Variants in MGA observed in about 807,000 individuals in gnomAD.
MGA encodes the protein MAX gene-associated protein.
In MGA, 40 loss-of-function variants were observed where a neutral mutation model predicts 261.1. The observed-to-expected ratio is 0.15, with a 90% CI of 0.12 to 0.20. The LOEUF is 0.20. Among genes scored for constraint, MGA ranks in the 10% least tolerant of loss-of-function variants. The pLI is 1.00. For missense variants in MGA, 3,397 were observed against 3,630.5 expected (o/e 0.94, Z 1.65); for synonymous variants, 1,302 against 1,290.6 (o/e 1.01, Z -0.19).
rs555202572 is a variant in MGA, at chr15:41,759,913, G to A, written c.7192-410G>A. 3.0e-4 allele frequency among the ~76,000 whole-genome samples: 46 copies of A among 152,146 alleles called. 1 individual carries two copies. Among genetic ancestry groups the A allele is most frequent in the African/African-American group, 1.1e-3 (46 of 41,514 alleles). On this transcript the variant is annotated intron_variant, in intron 19 of 23. Coordinates refer to ENST00000219905, the MANE Select transcript of MGA (RefSeq NM_001164273.2). ...GGAGAGAAAGGTGATTTAGAAGAGT[G>A]GCAGTTGATTTTTTACCAGATTGAG...
chr15:41,697,690 A>G (rs530377712), intron 3 of MGA, among the ~76,000 whole-genome samples: 2 of 152,272 alleles, frequency 1.3e-5, no homozygotes, highest in South Asian at 4.1e-4. Context: ...TGCTGGGATT[A>G]CATGCATGAG....
chr15:41,624,171 TCTC>T (rs1420738095), intron 1 of MGA, among the ~76,000 whole-genome samples: 8 of 152,062 alleles, frequency 5.3e-5, no homozygotes, highest in African/African-American at 1.7e-4. Context: ...TTCAAGCAGT[TCTC>T]CTGCCTCAGC....
chr15:41,701,296 A>T (rs563829347), intron 5 of MGA, among the ~76,000 whole-genome samples: 2 of 151,268 alleles, frequency 1.3e-5, no homozygotes, highest in Non-Finnish European at 2.9e-5. Flanking sequence ...TGACATTTAT[A>T]TTGTGTTCTT....
Position 41,698,904 on chromosome 15 carries a change from ATCT to A in MGA, c.2059_2061del (p.Ser688del). 6.4e-7 allele frequency: 1 copy of A among 1,550,458 alleles called. No individual in the cohort carries two copies. The highest frequency in any genetic ancestry group is 1.2e-5 in the South Asian group (1 of 83,980). ...ATGCAGTTGATGGGACAACAGAAGA[ATCT>A]TCTAGTCTCCAGGCATCAACCACAA... is the stretch of plus-strand genomic sequence containing the variant. On this transcript the variant is annotated inframe_deletion, in exon 4 of 24. Coordinates refer to ENST00000219905, the MANE Select transcript of MGA (RefSeq NM_001164273.2).
chr15:41,678,541 G>A (rs992704144), intron 2 of MGA, among the ~76,000 whole-genome samples: 6 of 150,378 alleles, frequency 4.0e-5, no homozygotes, highest in Non-Finnish European at 7.4e-5. Context: ...TGAGGCGGGC[G>A]GATCACGAGG....
At chr15:41,698,444 C>T (rs1162101481) in intron 3 of MGA, among the ~76,000 whole-genome samples, 2 of 152,140 alleles carry the variant, frequency 1.3e-5, no homozygotes, top group Admixed American at 6.5e-5. Context: ...GGATTATAGG[C>T]GTGAGCCACT....
chr15:41,749,305 T>G lies in MGA; in HGVS notation c.5698T>G (p.Leu1900Val). 1 of 1,613,996 alleles carries G rather than the reference T, an allele frequency of 6.2e-7. No individual in the cohort carries two copies. Among genetic ancestry groups the G allele is most frequent in the African/African-American group, 1.3e-5 (1 of 75,046 alleles). Residue 1900 changes from leucine (L) to valine (V), a missense_variant, in exon 17 of 24, where the codon TTG (leucine) becomes GTG (valine). By Grantham distance (32) the Leu-to-Val change is conservative. Transcript: ENST00000219905. ...TAGTTTTGTGTCTCAGGCTGGTACA[T>G]TGACCCTGAGGATTTCTCCTCCTGA...
intron 1 of MGA, among the ~76,000 whole-genome samples, chr15:41,631,762 AAG>A (rs1394330569): frequency 2.6e-5 from 4 of 152,320 alleles, no homozygotes; most frequent in South Asian, 4.1e-4. Flanking sequence ...ACAGAAAAAA[AAG>A]TATGTATTTT....
intron 2 of MGA, among the ~76,000 whole-genome samples, chr15:41,676,371 C>T (rs534919234): frequency 1.3e-5 from 2 of 152,308 alleles, no homozygotes; most frequent in East Asian, 1.9e-4. Context: ...GATTTCACTA[C>T]GTTGGCCAGG....
Position 41,729,147 on chromosome 15 carries a change from T to C in MGA, c.3658-17T>C, listed in dbSNP as rs1028943457. ...TTTTCCCACTGTATGGAATATTTTG[T>C]TGTATGAAATTTACAGATTCGGGAA... On this transcript the variant is annotated splice_polypyrimidine_tract_variant and intron_variant, in intron 10 of 23. Transcript: ENST00000219905. 1.2e-6 allele frequency: 2 copies of C among 1,609,730 alleles called. No homozygotes were observed. The highest frequency in any genetic ancestry group is 2.7e-5 in the African/African-American group (2 of 74,830).
chr15:41,741,203 C>A (rs540382900), intron 14 of MGA, among the ~76,000 whole-genome samples: 104 of 151,930 alleles, frequency 6.8e-4, no homozygotes, highest in Non-Finnish European at 1.2e-3. Flanking sequence ...AAAAATTAGC[C>A]GGGAGTGGTG....
At chr15:41,735,623 G>C (rs1235929376) in intron 12 of MGA, among the ~76,000 whole-genome samples, 1 of 151,966 alleles carries the variant, frequency 6.6e-6, no homozygotes, top group East Asian at 1.9e-4. Flanking sequence ...CATAATCTCA[G>C]CTACTCGGGA....
At chr15:41,737,165 T>G (rs2061827539) in intron 13 of MGA, among the ~76,000 whole-genome samples, 1 of 152,084 alleles carries the variant, frequency 6.6e-6, no homozygotes. Context: ...TTAAAAATTT[T>G]TATTTATTAT....
rs74338151 is a variant in MGA, at chr15:41,698,612, T to C, written c.2014-251T>C. Among the ~76,000 whole-genome samples the C allele has an allele frequency of 1.0e-3, 158 of 152,296 alleles. 1 individual carries two copies. Among genetic ancestry groups the C allele is most frequent in the African/African-American group, 3.7e-3 (153 of 41,554 alleles). On this transcript the variant is annotated intron_variant, in intron 3 of 23. Transcript: ENST00000219905. ...GGCGTATACTTTGAGGTCAGTTAGC[T>C]CAGTATGACATCGTATTCACATTTT...
chr15:41,631,465 C>T (rs544479041), intron 1 of MGA, among the ~76,000 whole-genome samples: 11 of 152,086 alleles, frequency 7.2e-5, no homozygotes, highest in East Asian at 1.9e-4. Context: ...GCTAGGAGTT[C>T]GAGACCAACC....
chr15:41,711,432 T>C (rs1177742563), intron 8 of MGA, 83 bp downstream of exon 8: 1 of 1,377,994 alleles, frequency 7.3e-7, no homozygotes, highest in Non-Finnish European at 9.7e-7. Flanking sequence ...GAATGGTACT[T>C]TTTGGCAGGG....
chr15:41,695,972 ATG>A (rs2059534093), intron 2 of MGA, 101 bp from the exon 3 acceptor site: 1 of 849,206 alleles, frequency 1.2e-6, no homozygotes, highest in Non-Finnish European at 1.8e-6. Context: ...AGGAAATCTG[ATG>A]TGTTACTTGG....
chr15:41,758,192 A>G (rs17678310), intron 19 of MGA, among the ~76,000 whole-genome samples: 40,416 of 152,038 alleles, frequency 0.27, 5,789 homozygotes, highest in Middle Eastern at 0.43. Context: ...TTAAAAAACT[A>G]TGCTCTGCAA....
chr15:41,745,252 CT>C (rs1459443352), intron 15 of MGA, among the ~76,000 whole-genome samples: 1 of 131,968 alleles, frequency 7.6e-6, no homozygotes, highest in Non-Finnish European at 1.6e-5. Flanking sequence ...CCAAATCCCC[CT>C]ATGCGAGAAA....
Sources: gnomAD v4.1 joint callset for allele counts (sites outside exome capture counted in the v4.1 genomes callset) on GRCh38, gnomAD v4.1.1 for gene constraint, MANE v1.5 for transcripts, NCBI Gene and HGNC (gene_info 2026-07-23, HGNC 2026-07-21) for gene names.